KIR2DL3: variants seen among roughly 807,000 people sequenced by gnomAD.
KIR2DL3 encodes the protein killer cell immunoglobulin like receptor, two Ig domains and long cytoplasmic tail 3, also known as killer cell immunoglobulin-like receptor 2DL3.
KIR2DL3 carries 39 observed loss-of-function variants against 33.8 expected under a neutral mutation model. The ratio of observed to expected loss-of-function variants is 1.15; its 90% CI spans 0.89 to 1.51. The LOEUF (loss-of-function observed/expected upper bound fraction) is 1.51, where lower values mean the gene tolerates loss of function less well. Among genes scored for constraint, KIR2DL3 ranks in the 40% most tolerant of loss-of-function variants. KIR2DL3 has a pLI of 0.00. For missense variants in KIR2DL3, 462 were observed against 426.2 expected, an observed-to-expected ratio of 1.08 and a Z score of -0.74; for synonymous variants, 174 against 160.2, an observed-to-expected ratio of 1.09 and a Z score of -0.65.
chr19:54,745,199 A>G (rs1003406460), intron 4 of KIR2DL3, among the ~76,000 whole-genome samples: 3 of 151,936 alleles, frequency 2.0e-5, no homozygotes, highest in Non-Finnish European at 2.9e-5. Context: ...TCATCCACTG[A>G]TGGGCAGGTA....
chr19:54,744,954 A>ATATATATATTTT (rs1398407460), intron 4 of KIR2DL3, among the ~76,000 whole-genome samples: 2 of 31,280 alleles, frequency 6.4e-5, no homozygotes, highest in Non-Finnish European at 1.2e-4. Flanking sequence ...ATATATATAT[A>ATATATATATTTT]TTTTTTTTTT....
chr19:54,741,694 A>G (rs1431425642), intron 2 of KIR2DL3, among the ~76,000 whole-genome samples: 3 of 151,586 alleles, frequency 2.0e-5, no homozygotes, highest in East Asian at 1.9e-4. Flanking sequence ...ACCCCCACAT[A>G]AACAGCAGGA....
chr19:54,746,519 G>A (rs1399454654), intron 4 of KIR2DL3, among the ~76,000 whole-genome samples: 1 of 148,422 alleles, frequency 6.7e-6, no homozygotes, highest in African/African-American at 2.5e-5. Context: ...GTGTTTCATA[G>A]GTTCAGGCCT....
chr19:54,739,957 A>G (rs1244682115), intron 2 of KIR2DL3, among the ~76,000 whole-genome samples: 2 of 152,154 alleles, frequency 1.3e-5, no homozygotes, highest in Non-Finnish European at 2.9e-5. Flanking sequence ...TCGTTCAGGC[A>G]TCCGCTGATA....
rs1190927916 is a variant in KIR2DL3, at chr19:54,744,897, TAC to T, written c.664+823_664+824del. Among the ~76,000 whole-genome samples, 98 of 57,442 alleles carry T rather than the reference TAC, an allele frequency of 1.7e-3. 1 individual carries two copies. The highest frequency in any genetic ancestry group is 5.3e-3 in the African/African-American group (81 of 15,196). 37.7% of individuals were successfully genotyped at this position (57,442 alleles called of 152,430 possible). A position where few individuals can be genotyped will look rare whatever the true frequency, so the allele number is the denominator to read the frequency against. On this transcript the variant is annotated intron_variant, in intron 4 of 7. Coordinates refer to ENST00000342376, the MANE Select transcript of KIR2DL3 (RefSeq NM_015868.3). Reference sequence around the variant, plus strand: ...ATATATATATATATATATATATATATACACACACACACACATATATAAACATA... The same window carrying T: ...ATATATATATATATATATATATATATACACACACACACATATATAAACATA...
At chr19:54,744,738 G>C (rs1431157768) in intron 4 of KIR2DL3, among the ~76,000 whole-genome samples, 1 of 150,384 alleles carries the variant, frequency 6.6e-6, no homozygotes, top group Non-Finnish European at 1.5e-5. Flanking sequence ...TGTTGGTCGA[G>C]CTGGTCTCCA....
In KIR2DL3 at chr19:54,752,550, C is replaced by G. The variant is rs1458584961; in HGVS notation, c.*31C>G. ...AGTTGTCTCCTGCCCATGAGCACCACAGTCAGGCCTTGAGGGGATCTTCTA... is the reference window on the plus strand; with the variant it reads ...AGTTGTCTCCTGCCCATGAGCACCAGAGTCAGGCCTTGAGGGGATCTTCTA... On this transcript the variant is annotated 3_prime_UTR_variant, in exon 8 of 8. Transcript: ENST00000342376. The G allele has an allele frequency of 6.8e-7, 1 of 1,462,606 alleles. No homozygotes were observed. The highest frequency in any genetic ancestry group is 2.3e-5 in the East Asian group (1 of 44,276). The allele number at this position is 1,462,606 out of a possible 1,614,324, so 90.6% of individuals were successfully genotyped here. A position where few individuals can be genotyped will look rare whatever the true frequency, so the allele number is the denominator to read the frequency against.
At chr19:54,751,065 G>C (rs76118168) in intron 5 of KIR2DL3, among the ~76,000 whole-genome samples, 1 of 115,358 alleles carries the variant, frequency 8.7e-6, no homozygotes, top group Admixed American at 9.2e-5. Flanking sequence ...GTAACTTCTA[G>C]AGAAAAGAGA....
Position 54,752,282 on chromosome 19 carries a change from G to C in KIR2DL3, c.873+14G>C, listed in dbSNP as rs370456669. The C allele has an allele frequency of 8.3e-5, 120 of 1,448,416 alleles. 22 individuals carry two copies. Among genetic ancestry groups the C allele is most frequent in the African/African-American group, 1.5e-4 (9 of 59,136 alleles). 89.7% of individuals were successfully genotyped at this position (1,448,416 alleles called of 1,614,324 possible). A position where few individuals can be genotyped will look rare whatever the true frequency, so the allele number is the denominator to read the frequency against. On this transcript the variant is annotated intron_variant, in intron 7 of 7. Coordinates refer to ENST00000342376, the MANE Select transcript of KIR2DL3 (RefSeq NM_015868.3). ...GTGAACAGGGAGGTAGGTGCTCCTC[G>C]GCCCAGCCTCGTGGCTAGTGTTATT...
intron 5 of KIR2DL3, among the ~76,000 whole-genome samples, chr19:54,750,794 C>G (rs2073305267): frequency 7.4e-6 from 1 of 135,340 alleles, no homozygotes; most frequent in Non-Finnish European, 1.6e-5. Flanking sequence ...TCAATGTGAG[C>G]CAGTCCCTCA....
chr19:54,750,019 T>C (rs1301983071), intron 5 of KIR2DL3, among the ~76,000 whole-genome samples: 1 of 131,948 alleles, frequency 7.6e-6, no homozygotes, highest in East Asian at 2.0e-4. Context: ...CTTTATCTTA[T>C]CCATTAGGCA....
chr19:54,742,315 T>G (rs778204419), intron 3 of KIR2DL3, 36 bp downstream of exon 3: 2 of 1,610,304 alleles, frequency 1.2e-6, no homozygotes, highest in South Asian at 1.1e-5. Flanking sequence ...GTCATTGGGA[T>G]GCAGAGTGAA....
chr19:54,743,365 G>C (rs629758), intron 3 of KIR2DL3, among the ~76,000 whole-genome samples: 42,795 of 148,436 alleles, frequency 0.29, 5,239 homozygotes, highest in South Asian at 0.36. Flanking sequence ...AGATAGACAA[G>C]TGATAGATAC....
At chr19:54,739,382 A>G (rs2070531237) in intron 1 of KIR2DL3, 125 bp from the exon 2 acceptor site, 1 of 1,527,304 alleles carries the variant, frequency 6.5e-7, no homozygotes. Flanking sequence ...GCAGGTAGGC[A>G]CTGAGGGTGA....
In KIR2DL3 at chr19:54,752,476, C is replaced by G. The variant is rs560363669; in HGVS notation, c.983C>G (p.Thr328Arg). The G allele has an allele frequency of 3.4e-4, 493 of 1,465,938 alleles. 123 individuals are homozygous for G. The South Asian group carries it at 6.2e-3, about 18-fold the overall frequency. The allele number at this position is 1,465,938 out of a possible 1,614,324, so 90.8% of individuals were successfully genotyped here. A position where few individuals can be genotyped will look rare whatever the true frequency, so the allele number is the denominator to read the frequency against. Residue 328 changes from threonine to arginine, a missense_variant, in exon 8 of 8, where the codon ACA becomes AGA. By Grantham distance (71) the Thr-to-Arg change is moderately conservative (BLOSUM62 -1). Transcript: ENST00000342376. ...TCTCAGAGGCCCAAGACACCCCCAACAGATATCATCGTGTACACGGAACTT... is the reference window on the plus strand; with the variant it reads ...TCTCAGAGGCCCAAGACACCCCCAAGAGATATCATCGTGTACACGGAACTT... Reference protein sequence around the residue: ...RPSQRPKTPPTDIIVYTELPN... With the variant: ...RPSQRPKTPPRDIIVYTELPN...
intron 4 of KIR2DL3, among the ~76,000 whole-genome samples, chr19:54,745,615 C>T (rs1393193975): frequency 1.3e-5 from 2 of 150,494 alleles, no homozygotes; most frequent in Non-Finnish European, 3.0e-5. Context: ...GTGCCCGCCT[C>T]GGTCTCCCAA....
At chr19:54,747,985 A>G (rs886169958) in intron 5 of KIR2DL3, among the ~76,000 whole-genome samples, 3 of 152,162 alleles carry the variant, frequency 2.0e-5, no homozygotes, top group Non-Finnish European at 4.4e-5. Flanking sequence ...TTTTTTAATT[A>G]TCTTACAGTG....
At position 54,738,559 on chromosome 19, in the gene KIR2DL3, T is replaced by C. The variant is rs1217200573; in HGVS notation, c.14T>C (p.Val5Ala). The change falls in exon 1 of 8, where the codon GTC becomes GCC. Residue 5 changes from valine to alanine, a missense_variant. Transcript: ENST00000342376. Reference protein sequence around the residue: MSLMVVSMVCVGFFL... With the variant: MSLMAVSMVCVGFFL... ...ACAGACAGCACCATGTCGCTCATGG[T>C]CGTCAGCATGGTGTGTGTTGGTGAG... 1.2e-6 allele frequency: 2 copies of C among 1,614,052 alleles called. No homozygotes were observed. The highest frequency in any genetic ancestry group is 2.7e-5 in the African/African-American group (2 of 74,942).
chr19:54,740,480 G>C (rs1432734563), intron 2 of KIR2DL3, among the ~76,000 whole-genome samples: 2 of 151,598 alleles, frequency 1.3e-5, no homozygotes, highest in African/African-American at 4.9e-5. Flanking sequence ...ACATACAGAT[G>C]TCGGGGTTCA....
Sources: gnomAD v4.1 joint callset for allele counts (sites outside exome capture counted in the v4.1 genomes callset) on GRCh38, gnomAD v4.1.1 for gene constraint, MANE v1.5 for transcripts, NCBI Gene and HGNC (gene_info 2026-07-23, HGNC 2026-07-21) for gene names.